PSD3: variants seen among roughly 807,000 people sequenced by gnomAD.
PSD3 encodes pleckstrin and Sec7 domain containing 3.
PSD3 carries 49 observed loss-of-function variants against 105.5 expected under a neutral mutation model. That is an observed-to-expected ratio of 0.46 (90% CI 0.37 to 0.59). PSD3 has a LOEUF of 0.59. PSD3 is among the 20% of genes least tolerant of loss of function. The pLI is 0.00. For missense variants in PSD3, 1,561 were observed against 1,263.8 expected, an observed-to-expected ratio of 1.24 and a Z score of -3.57; for synonymous variants, 557 against 457.8, an observed-to-expected ratio of 1.22 and a Z score of -2.77.
chr8:19,061,561 A>T (rs1405135253), intron 1 of PSD3, among the ~76,000 whole-genome samples: 1 of 152,034 alleles, frequency 6.6e-6, no homozygotes, highest in African/African-American at 2.4e-5. Flanking sequence ...TAATCCCAGC[A>T]CTTTGGGAGG....
chr8:18,825,546 T>C (rs1360833543), intron 4 of PSD3, among the ~76,000 whole-genome samples: 1 of 152,216 alleles, frequency 6.6e-6, no homozygotes, highest in Non-Finnish European at 1.5e-5. Context: ...GGGAAGAGAA[T>C]CCTATTCACT....
chr8:18,699,386 G>A (rs1180743300), intron 9 of PSD3, among the ~76,000 whole-genome samples: 2 of 152,216 alleles, frequency 1.3e-5, no homozygotes, highest in Non-Finnish European at 2.9e-5. Flanking sequence ...GTTGGAGCCA[G>A]TCAACAATTT....
chr8:18,778,364 G>A (rs547784203), intron 8 of PSD3, among the ~76,000 whole-genome samples: 98 of 152,200 alleles, frequency 6.4e-4, no homozygotes, highest in African/African-American at 2.2e-3. Flanking sequence ...AAGAGTTTCA[G>A]GTAGAGTCTT....
intron 8 of PSD3, among the ~76,000 whole-genome samples, chr8:18,771,166 G>C (rs1044258921): frequency 2.0e-5 from 3 of 152,120 alleles, no homozygotes; most frequent in African/African-American, 7.2e-5. Context: ...ACAGGAATGG[G>C]GGGCAGAGCA....
In PSD3 at chr8:19,084,649, C is replaced by T. The variant is rs1224709125; in HGVS notation, c.-120G>A. ...CTGCAATCACCACCCCTGCTTACGTCCGGATCCTGGGATTTTTTCCTCCCT... is the reference window on the plus strand; with the variant it reads ...CTGCAATCACCACCCCTGCTTACGTTCGGATCCTGGGATTTTTTCCTCCCT... On this transcript the variant is annotated 5_prime_UTR_variant, in exon 1 of 2. Transcript: ENST00000521475. 8.8e-6 allele frequency: 3 copies of T among 341,972 alleles called. No individual in the cohort carries two copies. The East Asian group carries it at 2.3e-4, about 26-fold the overall frequency. The allele number at this position is 341,972 out of a possible 1,614,324, so 21.2% of individuals were successfully genotyped here. A position where few individuals can be genotyped will look rare whatever the true frequency, so the allele number is the denominator to read the frequency against.
At chr8:18,545,695 C>A (rs1167270203) in intron 15 of PSD3, among the ~76,000 whole-genome samples, 2 of 152,126 alleles carry the variant, frequency 1.3e-5, no homozygotes, top group African/African-American at 4.8e-5. Context: ...ATATAGGGCA[C>A]GTGGTTAATC....
rs565418854 is a variant in PSD3, at chr8:18,655,278, G to C, written c.2216+364C>G. ...CGGGAGGCGGAGCTTGCAGTGAGCC[G>C]AGATTGCGCCACTGCACTCCAGCCT... On this transcript the variant is annotated intron_variant, in intron 10 of 15. Coordinates refer to ENST00000327040, the MANE Select transcript of PSD3 (RefSeq NM_015310.4). 1.2e-3 allele frequency among the ~76,000 whole-genome samples: 183 copies of C among 148,126 alleles called. 1 individual carries two copies. The Middle Eastern group carries it at 0.032, about 26-fold the overall frequency.
At chr8:18,902,131 T>C (rs763942850) in intron 2 of PSD3, among the ~76,000 whole-genome samples, 20 of 152,232 alleles carry the variant, frequency 1.3e-4, no homozygotes, top group Non-Finnish European at 2.6e-4. Flanking sequence ...ATTATTTCAT[T>C]AAATATGCTT....
chr8:18,806,755 T>C (rs867260367), intron 4 of PSD3, among the ~76,000 whole-genome samples: 3 of 152,212 alleles, frequency 2.0e-5, no homozygotes, highest in Non-Finnish European at 2.9e-5. Flanking sequence ...CTCTATCCCA[T>C]AGTTCTTTAA....
chr8:19,039,901 G>A (rs1284795191), intron 1 of PSD3, among the ~76,000 whole-genome samples: 1 of 152,130 alleles, frequency 6.6e-6, no homozygotes, highest in African/African-American at 2.4e-5. Flanking sequence ...ACAAATAAAC[G>A]TATTATATGG....
chr8:18,976,193 CTTTA>C (rs1824935240), intron 1 of PSD3, among the ~76,000 whole-genome samples: 2 of 74,844 alleles, frequency 2.7e-5, no homozygotes, highest in African/African-American at 7.3e-5. Flanking sequence ...AATCTAATTT[CTTTA>C]TTTTACAGAG....
chr8:19,034,488 C>T (rs1827879110), intron 1 of PSD3, among the ~76,000 whole-genome samples: 1 of 152,134 alleles, frequency 6.6e-6, no homozygotes, highest in Non-Finnish European at 1.5e-5. Flanking sequence ...TGAGTCACTG[C>T]CTTGCAAAGC....
chr8:18,660,209 G>A (rs890428274), intron 9 of PSD3, among the ~76,000 whole-genome samples: 1 of 152,090 alleles, frequency 6.6e-6, no homozygotes, highest in Non-Finnish European at 1.5e-5. Context: ...ATTTAAGAAA[G>A]AAAAGAAGGC....
intron 2 of PSD3, among the ~76,000 whole-genome samples, chr8:18,898,630 T>G (rs1028990680): frequency 6.6e-6 from 1 of 152,170 alleles, no homozygotes; most frequent in African/African-American, 2.4e-5. Context: ...ATAATATAAA[T>G]AGGGAATGGA....
rs1799693611 is a variant in PSD3 at position 18,532,971 on chromosome 8, G to A, written c.*2772C>T. On this transcript the variant is annotated 3_prime_UTR_variant, in exon 16 of 16. Transcript: ENST00000327040. ...GGAAGTCCCAAGGCTCCTGGGCGCT[G>A]AGGTGGGCGACGGAGGTGGGTGGCG... 6.6e-6 allele frequency: 1 copy of A among 152,338 alleles called. No homozygotes were observed. Among genetic ancestry groups the A allele is most frequent in the African/African-American group, 2.4e-5 (1 of 41,458 alleles). The allele number at this position is 152,338 out of a possible 1,614,324, so 9.4% of individuals were successfully genotyped here. A position where few individuals can be genotyped will look rare whatever the true frequency, so the allele number is the denominator to read the frequency against.
chr8:18,619,299 A>C (rs1390238457), intron 11 of PSD3, among the ~76,000 whole-genome samples: 1 of 152,160 alleles, frequency 6.6e-6, no homozygotes, highest in Non-Finnish European at 1.5e-5. Context: ...TGCAGATCAA[A>C]AGACTGATCA....
At chr8:18,940,862 G>C (rs1322415182) in intron 1 of PSD3, among the ~76,000 whole-genome samples, 2 of 152,128 alleles carry the variant, frequency 1.3e-5, no homozygotes, top group South Asian at 4.1e-4. Context: ...CTGTCTGTCA[G>C]TTCCCCAATA....
At chr8:19,080,647 G>A (rs181592782) in intron 1 of PSD3, among the ~76,000 whole-genome samples, 1 of 152,106 alleles carries the variant, frequency 6.6e-6, no homozygotes, top group East Asian at 1.9e-4. Context: ...TCATTTCCTC[G>A]CTGTTTCCTA....
At chr8:18,858,023 T>A (rs10503639) in intron 4 of PSD3, among the ~76,000 whole-genome samples, 13,792 of 152,264 alleles carry the variant, frequency 0.091, 787 homozygotes, top group African/African-American at 0.16. Flanking sequence ...CATGAGAAAC[T>A]TATTTACCTT....
Sources: gnomAD v4.1 joint callset for allele counts (sites outside exome capture counted in the v4.1 genomes callset) on GRCh38, gnomAD v4.1.1 for gene constraint, MANE v1.5 for transcripts, NCBI Gene and HGNC (gene_info 2026-07-23, HGNC 2026-07-21) for gene names.